CCDC177: variants seen among roughly 807,000 people sequenced by gnomAD.
The protein encoded by CCDC177 is coiled-coil domain-containing protein 177.
CCDC177 carries 2 observed loss-of-function variants against 7.3 expected under a neutral mutation model. The observed-to-expected ratio is 0.28, with a 90% CI of 0.11 to 0.87. CCDC177 has a LOEUF of 0.87. Among genes scored for constraint, CCDC177 ranks in the 40% least tolerant of loss-of-function variants. The pLI is 0.61. For missense variants in CCDC177, 874 were observed against 970.5 expected, an observed-to-expected ratio of 0.90 and a Z score of 1.32; for synonymous variants, 401 against 449.2, an observed-to-expected ratio of 0.89 and a Z score of 1.36.
chr14:69,571,538 C>G lies in CCDC177; in HGVS notation c.2085G>C (p.Val695=). 1 of 1,240,402 alleles carries G rather than the reference C, an allele frequency of 8.1e-7. No individual in the cohort carries two copies. Among genetic ancestry groups the G allele is most frequent in the African/African-American group, 1.5e-5 (1 of 64,674 alleles). The allele number at this position is 1,240,402 out of a possible 1,614,324, so 76.8% of individuals were successfully genotyped here. ...ETNTRSFDRM[V]REAQLHASLD... is the part of the protein sequence containing the mutation. ...GGCTGGCGTGTAGCTGGGCCTCCCGCACCATGCGGTCGAAGGATCGCGTGT... is the reference window on the plus strand; with the variant it reads ...GGCTGGCGTGTAGCTGGGCCTCCCGGACCATGCGGTCGAAGGATCGCGTGT... The change falls in exon 2 of 2, where the codon GTG becomes GTC. Residue 695 remains valine, a synonymous_variant. Transcript: ENST00000599174.
At position 69,572,975 on chromosome 14, in the gene CCDC177, C is replaced by A. The variant is rs1293668704; in HGVS notation, c.648G>T (p.Arg216=). The A allele has an allele frequency of 8.1e-7, 1 of 1,231,078 alleles. No homozygotes were observed. Among genetic ancestry groups the A allele is most frequent in the Non-Finnish European group, 1.0e-6 (1 of 987,590 alleles). The allele number at this position is 1,231,078 out of a possible 1,614,324, so 76.3% of individuals were successfully genotyped here. ...GAGAACCCGCTGGCGGAGGTTGGGT[C>A]CGGGCGGAGGAGGGACTAGGGGAAG... The part of the protein sequence containing the change: ...RKASPSPSSA[R]TQPPPAGSRT... The change falls in exon 2 of 2, where the codon CGG becomes CGT. Residue 216 remains arginine (R), a synonymous_variant. Coordinates refer to ENST00000599174, the MANE Select transcript of CCDC177 (RefSeq NM_001271507.2).
At position 69,572,153 on chromosome 14, in the gene CCDC177, C is replaced by G; in HGVS notation, c.1470G>C (p.Lys490Asn). Residue 490 changes from lysine to asparagine, a missense_variant, in exon 2 of 2, where the codon AAG (lysine) becomes AAC (asparagine). Physicochemically the swap from Lys to Asn is moderately conservative, Grantham distance 94. Coordinates refer to ENST00000599174, the MANE Select transcript of CCDC177 (RefSeq NM_001271507.2). The stretch of plus-strand genomic sequence containing the variant: ...GCTGCAGCTGGCCCTCCTGCCGCTG[C>G]TTGGCGCGGGCCGCGCGCTGGGCGC... ...RERAQRAARAKQRQEGQLQRE... is the reference protein window; with the variant it reads ...RERAQRAARANQRQEGQLQRE... 8.1e-7 allele frequency: 1 copy of G among 1,230,804 alleles called. No individual in the cohort carries two copies. The highest frequency in any genetic ancestry group is 1.0e-6 in the Non-Finnish European group (1 of 987,422). The allele number at this position is 1,230,804 out of a possible 1,614,324, so 76.2% of individuals were successfully genotyped here. A position where few individuals can be genotyped will look rare whatever the true frequency, so the allele number is the denominator to read the frequency against.
chr14:69,572,407 G>A lies in CCDC177; in HGVS notation c.1216C>T (p.Arg406Cys), dbSNP rs1884346666. 8.2e-7 allele frequency: 1 copy of A among 1,223,650 alleles called. No homozygotes were observed. Among genetic ancestry groups the A allele is most frequent in the East Asian group, 3.2e-5 (1 of 31,028 alleles). The allele number at this position is 1,223,650 out of a possible 1,614,324, so 75.8% of individuals were successfully genotyped here. ...GCCGCCTCGCGCTCTTCGCGGCCACGGCGGCCTCGCCGCTCCTCCACCTGC... is the reference window on the plus strand; with the variant it reads ...GCCGCCTCGCGCTCTTCGCGGCCACAGCGGCCTCGCCGCTCCTCCACCTGC... Reference protein sequence around the residue: ...AAQVEERRGRRGREEREAARR... With the variant: ...AAQVEERRGRCGREEREAARR... Residue 406 changes from arginine (R) to cysteine (C), a missense_variant, in exon 2 of 2, where the codon CGT (arginine) becomes TGT (cysteine). Transcript: ENST00000599174.
chr14:69,571,676 G>T lies in CCDC177; in HGVS notation c.1947C>A (p.Arg649=). 1 of 1,232,052 alleles carries T rather than the reference G, an allele frequency of 8.1e-7. No individual in the cohort carries two copies. The highest frequency in any genetic ancestry group is 1.5e-5 in the African/African-American group (1 of 64,550). The allele number at this position is 1,232,052 out of a possible 1,614,324, so 76.3% of individuals were successfully genotyped here. The change falls in exon 2 of 2, where the codon CGC becomes CGA. Residue 649 remains arginine (R), a synonymous_variant. Transcript: ENST00000599174. Reference sequence around the variant, plus strand: ...TCAGCTGCTCGCTGCGCTCCAGCTTGCGCCCGATGGCCTGGAGTAGCTCTC... The same window carrying T: ...TCAGCTGCTCGCTGCGCTCCAGCTTTCGCCCGATGGCCTGGAGTAGCTCTC... ...RRRELLQAIG[R]KLERSEQLTR...
Position 69,572,400 on chromosome 14 carries a change from C to A in CCDC177, c.1223G>T (p.Arg408Leu). Residue 408 changes from arginine (R) to leucine (L), a missense_variant, in exon 2 of 2, where the codon CGC becomes CTC. Arg to Leu is a moderately radical substitution (Grantham distance 102). Coordinates refer to ENST00000599174, the MANE Select transcript of CCDC177 (RefSeq NM_001271507.2). Reference protein sequence around the residue: ...QVEERRGRRGREEREAARRRQ... With the variant: ...QVEERRGRRGLEEREAARRRQ... ...CCGCCGCGCCGCCTCGCGCTCTTCG[C>A]GGCCACGGCGGCCTCGCCGCTCCTC... 1 of 1,223,274 alleles carries A rather than the reference C, an allele frequency of 8.2e-7. No homozygotes were observed. The highest frequency in any genetic ancestry group is 1.0e-6 in the Non-Finnish European group (1 of 982,682). 75.8% of individuals were successfully genotyped at this position (1,223,274 alleles called of 1,614,324 possible).
Position 69,571,625 on chromosome 14 carries a change from C to T in CCDC177, c.1998G>A (p.Glu666=). ...QLTRERRSAL[E]SARSTARASF... is the part of the protein sequence containing the mutation. ...AAGCCCGGGCTGTGGAGCGGGCGCT[C>T]TCCAGCGCACTGCGCCGTTCCCGCG... The change falls in exon 2 of 2, where the codon GAG becomes GAA. Residue 666 remains glutamate, a synonymous_variant. Transcript: ENST00000599174. 8.1e-7 allele frequency: 1 copy of T among 1,233,894 alleles called. No homozygotes were observed. The highest frequency in any genetic ancestry group is 1.0e-6 in the Non-Finnish European group (1 of 989,320). 76.4% of individuals were successfully genotyped at this position (1,233,894 alleles called of 1,614,324 possible).
At position 69,572,279 on chromosome 14, in the gene CCDC177, C is replaced by A. The variant is rs941172314; in HGVS notation, c.1344G>T (p.Arg448=). The change falls in exon 2 of 2, where the codon CGG becomes CGT. Residue 448 remains arginine (R), a synonymous_variant. Coordinates refer to ENST00000599174, the MANE Select transcript of CCDC177 (RefSeq NM_001271507.2). ...GCTGAAGCTTGCGCAGCCGATCCTC[C>A]CGGGCCGCGCGCTCCGCCCGCTCCC... ...LRRERAERAA[R]EDRLRKLQQE... 4 of 1,228,836 alleles carry A rather than the reference C, an allele frequency of 3.3e-6. No individual in the cohort carries two copies. The African/African-American group carries it at 6.2e-5, about 19-fold the overall frequency. The allele number at this position is 1,228,836 out of a possible 1,614,324, so 76.1% of individuals were successfully genotyped here.
Position 69,572,323 on chromosome 14 carries a change from G to T in CCDC177, c.1300C>A (p.Arg434Ser). Residue 434 changes from arginine to serine, a missense_variant, in exon 2 of 2, where the codon CGC becomes AGC. Arg to Ser is a moderately radical substitution (Grantham distance 110). Coordinates refer to ENST00000599174, the MANE Select transcript of CCDC177 (RefSeq NM_001271507.2). ...SEERRRELAE[R>S]QGLLRRERAE... ...CGCTCCCGCCGCAGGAGGCCCTGGCGTTCGGCCAGCTCCCGCCGCCGCTCC... is the reference window on the plus strand; with the variant it reads ...CGCTCCCGCCGCAGGAGGCCCTGGCTTTCGGCCAGCTCCCGCCGCCGCTCC... 8.2e-7 allele frequency: 1 copy of T among 1,226,758 alleles called. No individual in the cohort carries two copies. The allele number at this position is 1,226,758 out of a possible 1,614,324, so 76.0% of individuals were successfully genotyped here.
In CCDC177 at chr14:69,572,629, G is replaced by C; in HGVS notation, c.994C>G (p.Arg332Gly). Residue 332 changes from arginine (R) to glycine (G), a missense_variant, in exon 2 of 2, where the codon CGC (arginine) becomes GGC (glycine). Transcript: ENST00000599174. ...VRQVRAERGL[R>G]GVPERDRKIA... is the part of the protein sequence containing the mutation. ...TTCCGGTCACGCTCCGGCACCCCGC[G>C]CAGGCCGCGCTCTGCACGCACTTGA... The C allele has an allele frequency of 8.1e-7, 1 of 1,231,268 alleles. No individual in the cohort carries two copies. The highest frequency in any genetic ancestry group is 1.0e-6 in the Non-Finnish European group (1 of 987,614). The allele number at this position is 1,231,268 out of a possible 1,614,324, so 76.3% of individuals were successfully genotyped here.
In CCDC177 at chr14:69,571,418, G is replaced by A. The variant is rs1595011701; in HGVS notation, c.*81C>T. 3.0e-6 allele frequency: 3 copies of A among 1,012,426 alleles called. No individual in the cohort carries two copies. Among genetic ancestry groups the A allele is most frequent in the Non-Finnish European group, 2.6e-6 (2 of 772,780 alleles). 62.7% of individuals were successfully genotyped at this position (1,012,426 alleles called of 1,614,324 possible). On this transcript the variant is annotated 3_prime_UTR_variant, in exon 2 of 2. Transcript: ENST00000599174. ...GAGAGGCCACCGCGCTGCGCACCGA[G>A]CGGGGACTCCCACGATGGTCAGTGG...
Position 69,571,886 on chromosome 14 carries a change from C to T in CCDC177, c.1737G>A (p.Arg579=). The change falls in exon 2 of 2, where the codon CGG becomes CGA. Residue 579 remains arginine, a synonymous_variant. Transcript: ENST00000599174. ...GCGCCTCCAGGTGCGCCTGATGTTC[C>T]CGCTCTTTGCGCTCTGCCGCCTCCT... is the stretch of plus-strand genomic sequence containing the variant. The part of the protein sequence containing the change: ...RAKEAAERKE[R]EHQAHLEALA... 8.1e-7 allele frequency: 1 copy of T among 1,231,844 alleles called. No individual in the cohort carries two copies. The highest frequency in any genetic ancestry group is 1.0e-6 in the Non-Finnish European group (1 of 988,104). The allele number at this position is 1,231,844 out of a possible 1,614,324, so 76.3% of individuals were successfully genotyped here.
Position 69,571,453 on chromosome 14 carries a change from G to T in CCDC177, c.*46C>A. ...CCACGATGGTCAGTGGTTGAGGGAGGCCCCAGGGGGCTGTGCGTGCCAATC... is the reference window on the plus strand; with the variant it reads ...CCACGATGGTCAGTGGTTGAGGGAGTCCCCAGGGGGCTGTGCGTGCCAATC... On this transcript the variant is annotated 3_prime_UTR_variant, in exon 2 of 2. Coordinates refer to ENST00000599174, the MANE Select transcript of CCDC177 (RefSeq NM_001271507.2). The T allele has an allele frequency of 8.2e-7, 1 of 1,216,902 alleles. No homozygotes were observed. 75.4% of individuals were successfully genotyped at this position (1,216,902 alleles called of 1,614,324 possible).
At position 69,572,955 on chromosome 14, in the gene CCDC177, C is replaced by T. The variant is rs554539552; in HGVS notation, c.668G>A (p.Gly223Asp). The stretch of plus-strand genomic sequence containing the variant: ...ATGGCTCTTCCTGCCTGTTCGAGAA[C>T]CCGCTGGCGGAGGTTGGGTCCGGGC... ...SSARTQPPPA[G>D]SRTGRKSHSL... The change falls in exon 2 of 2, where the codon GGT becomes GAT. Residue 223 changes from glycine to aspartate, a missense_variant. By Grantham distance (94) the Gly-to-Asp change is moderately conservative. Coordinates refer to ENST00000599174, the MANE Select transcript of CCDC177 (RefSeq NM_001271507.2). The T allele has an allele frequency of 2.2e-4, 275 of 1,231,258 alleles. 3 individuals are homozygous for T. The East Asian group carries it at 8.3e-3, about 37-fold the overall frequency. 76.3% of individuals were successfully genotyped at this position (1,231,258 alleles called of 1,614,324 possible).
At position 69,574,559 on chromosome 14, in the gene CCDC177, G is replaced by A. The variant is rs1292099308; in HGVS notation, c.-46C>T. On this transcript the variant is annotated 5_prime_UTR_variant, in exon 1 of 2. Coordinates refer to ENST00000599174, the MANE Select transcript of CCDC177 (RefSeq NM_001271507.2). ...TTACTCACCCCGCGTCCTGGGCTTC[G>A]GCCCCGCGCCAAGGGCTTTTGTTCG... The A allele has an allele frequency of 6.6e-6, 1 of 152,302 alleles. No individual in the cohort carries two copies. Among genetic ancestry groups the A allele is most frequent in the Non-Finnish European group, 1.5e-5 (1 of 68,120 alleles). The allele number at this position is 152,302 out of a possible 1,614,324, so 9.4% of individuals were successfully genotyped here. A position where few individuals can be genotyped will look rare whatever the true frequency, so the allele number is the denominator to read the frequency against.
chr14:69,572,477 C>G lies in CCDC177; in HGVS notation c.1146G>C (p.Arg382=), dbSNP rs1884348396. 2.4e-6 allele frequency: 3 copies of G among 1,230,368 alleles called. No individual in the cohort carries two copies. The highest frequency in any genetic ancestry group is 3.0e-6 in the Non-Finnish European group (3 of 987,114). 76.2% of individuals were successfully genotyped at this position (1,230,368 alleles called of 1,614,324 possible). Residue 382 remains arginine (R), a synonymous_variant, in exon 2 of 2, where the codon CGG becomes CGC. Transcript: ENST00000599174. ...HAKQRREREE[R]EKQRALEQGR... ...CCTGCTCTAGGGCGCGCTGCTTCTC[C>G]CGCTCCTCGCGCTCCCGCCGCTGCT...
Position 69,573,433 on chromosome 14 carries a change from C to T in CCDC177, c.190G>A (p.Gly64Arg). 8.1e-7 allele frequency: 1 copy of T among 1,231,384 alleles called. No homozygotes were observed. The highest frequency in any genetic ancestry group is 1.0e-6 in the Non-Finnish European group (1 of 987,768). The allele number at this position is 1,231,384 out of a possible 1,614,324, so 76.3% of individuals were successfully genotyped here. The part of the protein sequence containing the change: ...AEVPCAAAEG[G>R]RREQSPLLHL... ...AGCAGCGGGGACTGCTCCCGCCGCC[C>T]GCCTTCTGCGGCTGCACATGGGACT... The change falls in exon 2 of 2, where the codon GGG becomes AGG. Residue 64 changes from glycine to arginine, a missense_variant. Gly to Arg is a moderately radical substitution (Grantham distance 125). Transcript: ENST00000599174.
In CCDC177 at chr14:69,570,230, T is replaced by C. The variant is rs1884294148; in HGVS notation, c.*1269A>G. 6.5e-6 allele frequency: 1 copy of C among 154,264 alleles called. No homozygotes were observed. Among genetic ancestry groups the C allele is most frequent in the African/African-American group, 2.4e-5 (1 of 41,426 alleles). The allele number at this position is 154,264 out of a possible 1,614,324, so 9.6% of individuals were successfully genotyped here. On this transcript the variant is annotated 3_prime_UTR_variant, in exon 2 of 2. Coordinates refer to ENST00000599174, the MANE Select transcript of CCDC177 (RefSeq NM_001271507.2). ...CACAAAAAGGACCAACAAATAATAC[T>C]GACATGGTGCTTTGGATCCAGGAGG...
chr14:69,573,410 C>T lies in CCDC177; in HGVS notation c.213G>A (p.Leu71=), dbSNP rs1884376133. 8.1e-7 allele frequency: 1 copy of T among 1,231,422 alleles called. No individual in the cohort carries two copies. Among genetic ancestry groups the T allele is most frequent in the Non-Finnish European group, 1.0e-6 (1 of 987,772 alleles). 76.3% of individuals were successfully genotyped at this position (1,231,422 alleles called of 1,614,324 possible). A position where few individuals can be genotyped will look rare whatever the true frequency, so the allele number is the denominator to read the frequency against. The change falls in exon 2 of 2, where the codon CTG becomes CTA. Residue 71 remains leucine (L), a synonymous_variant. Coordinates refer to ENST00000599174, the MANE Select transcript of CCDC177 (RefSeq NM_001271507.2). Reference sequence around the variant, plus strand: ...CGAAGTTGAAGAGGTCGAGGTGCAGCAGCGGGGACTGCTCCCGCCGCCCGC... The same window carrying T: ...CGAAGTTGAAGAGGTCGAGGTGCAGTAGCGGGGACTGCTCCCGCCGCCCGC... ...AEGGRREQSP[L]LHLDLFNFDC... is the part of the protein sequence containing the mutation.
rs1595013735 is a variant in CCDC177 at position 69,574,635 on chromosome 14, G to A, written c.-122C>T. On this transcript the variant is annotated 5_prime_UTR_variant, in exon 1 of 2. It introduces an in-frame stop codon into an upstream open reading frame of the 5' UTR. Coordinates refer to ENST00000599174, the MANE Select transcript of CCDC177 (RefSeq NM_001271507.2). The stretch of plus-strand genomic sequence containing the variant: ...CTTCAGTCTCTGCGCCGGCGGGGTC[G>A]GGTTACTGCCGGCTGCAACCGTGAA... 1 of 152,208 alleles carries A rather than the reference G, an allele frequency of 6.6e-6. No homozygotes were observed. The highest frequency in any genetic ancestry group is 1.9e-4 in the East Asian group (1 of 5,154). The allele number at this position is 152,208 out of a possible 1,614,324, so 9.4% of individuals were successfully genotyped here.
Sources: gnomAD v4.1 joint callset for allele counts on GRCh38, gnomAD v4.1.1 for gene constraint, MANE v1.5 for transcripts, NCBI Gene and HGNC (gene_info 2026-07-23, HGNC 2026-07-21) for gene names.